Variants in FRYL observed in about 807,000 individuals in gnomAD.
FRYL encodes protein furry homolog-like.
In FRYL, 150 loss-of-function variants were observed where a neutral mutation model predicts 351.2. The observed-to-expected ratio is 0.43, with a 90% confidence interval of 0.37 to 0.49. The LOEUF (loss-of-function observed/expected upper bound fraction) is 0.49. FRYL is among the 20% of genes least tolerant of loss of function. FRYL has a pLI of 0.00. For missense variants in FRYL, 3,036 were observed against 3,619.3 expected (o/e 0.84, Z 4.13); for synonymous variants, 1,153 against 1,257.1 (o/e 0.92, Z 1.75).
At chr4:48,750,815 C>T (rs1773181572) in intron 1 of FRYL, among the ~76,000 whole-genome samples, 1 of 152,128 alleles carries the variant, frequency 6.6e-6, no homozygotes, top group Admixed American at 6.5e-5. Flanking sequence ...TCACTTTTCC[C>T]CCTATGACCC....
chr4:48,520,040 A>G (rs547681135), intron 55 of FRYL, among the ~76,000 whole-genome samples: 2 of 152,382 alleles, frequency 1.3e-5, no homozygotes, highest in African/African-American at 4.8e-5. Flanking sequence ...CTGAAATGAA[A>G]TTTTTTTAAA....
intron 9 of FRYL, among the ~76,000 whole-genome samples, chr4:48,607,450 T>C (rs1253313719): frequency 1.3e-5 from 2 of 152,214 alleles, no homozygotes; most frequent in Non-Finnish European, 2.9e-5. Flanking sequence ...CTATATTCTT[T>C]AGCACTTCAT....
chr4:48,731,052 A>C (rs1396236595), intron 1 of FRYL, among the ~76,000 whole-genome samples: 1 of 152,212 alleles, frequency 6.6e-6, no homozygotes, highest in Non-Finnish European at 1.5e-5. Context: ...AAGCAAAAAA[A>C]AAAGCAGGGG....
At chr4:48,526,920 G>A (rs1167981742) in intron 53 of FRYL, among the ~76,000 whole-genome samples, 2 of 152,142 alleles carry the variant, frequency 1.3e-5, no homozygotes, top group African/African-American at 2.4e-5. Flanking sequence ...GAATGTCAAA[G>A]AAAGAAGCTC....
intron 3 of FRYL, among the ~76,000 whole-genome samples, chr4:48,655,704 A>G (rs565372927): frequency 1.4e-5 from 2 of 146,970 alleles, no homozygotes; most frequent in South Asian, 4.2e-4. Context: ...TATATAATGT[A>G]TATATACATA....
At chr4:48,605,346 C>CAT (rs1011469949) in intron 11 of FRYL, among the ~76,000 whole-genome samples, 1 of 152,128 alleles carries the variant, frequency 6.6e-6, no homozygotes, top group Non-Finnish European at 1.5e-5. Context: ...CATATAAGCC[C>CAT]ATAGGTCACA....
At chr4:48,753,615 C>T (rs751135363) in intron 1 of FRYL, among the ~76,000 whole-genome samples, 1 of 152,084 alleles carries the variant, frequency 6.6e-6, no homozygotes, top group Non-Finnish European at 1.5e-5. Flanking sequence ...CTTTGAAGCA[C>T]AAAAGTTTTT....
chr4:48,619,276 G>C lies in FRYL; in HGVS notation c.409C>G (p.Gln137Glu). 1 of 1,592,436 alleles carries C rather than the reference G, an allele frequency of 6.3e-7. No homozygotes were observed. The highest frequency in any genetic ancestry group is 8.6e-7 in the Non-Finnish European group (1 of 1,161,896). The change falls in exon 7 of 64, where the codon CAG becomes GAG. Residue 137 changes from glutamine to glutamate, a missense_variant and splice_region_variant. By Grantham distance (29) the Gln-to-Glu change is conservative. Coordinates refer to ENST00000358350, the MANE Select transcript of FRYL (RefSeq NM_015030.2). ...FCLVLVEVLK[Q>E]IPVHPVPDPL... ...TTTGCAGAAATAAAAGAGCTTACCT[G>C]CTTTAGAACTTCAACTAAAACTAAA...
intron 1 of FRYL, among the ~76,000 whole-genome samples, chr4:48,744,109 A>G (rs778397892): frequency 6.6e-6 from 1 of 152,196 alleles, no homozygotes; most frequent in Non-Finnish European, 1.5e-5. Context: ...ATGTTAAGAA[A>G]GCCTGTGACC....
chr4:48,564,432 T>C (rs1387146645), intron 30 of FRYL, among the ~76,000 whole-genome samples: 1 of 152,224 alleles, frequency 6.6e-6, no homozygotes, highest in Admixed American at 6.5e-5. Flanking sequence ...TTTATCAAGC[T>C]TTATTCTTGT....
chr4:48,740,289 A>ATTTTT (rs71191255), intron 1 of FRYL, among the ~76,000 whole-genome samples: 21 of 97,894 alleles, frequency 2.1e-4, no homozygotes, highest in African/African-American at 3.4e-4. Flanking sequence ...AAACAATCTG[A>ATTTTT]TTTTTTTTTT....
At chr4:48,650,175 AGG>A (rs1445420296) in intron 3 of FRYL, among the ~76,000 whole-genome samples, 1 of 152,316 alleles carries the variant, frequency 6.6e-6, no homozygotes, top group Non-Finnish European at 1.5e-5. Flanking sequence ...TTCCTACTTC[AGG>A]AATTGTTCCC....
intron 4 of FRYL, among the ~76,000 whole-genome samples, chr4:48,626,741 C>G (rs972917774): frequency 6.6e-6 from 1 of 151,980 alleles, no homozygotes; most frequent in African/African-American, 2.4e-5. Flanking sequence ...CTGAAATAAA[C>G]AAGAAATATA....
At chr4:48,556,043 C>T (rs1290571799) in intron 35 of FRYL, among the ~76,000 whole-genome samples, 5 of 152,132 alleles carry the variant, frequency 3.3e-5, no homozygotes, top group South Asian at 2.1e-4. Flanking sequence ...TACAGGCATG[C>T]GCCACCACAC....
intron 27 of FRYL, 65 bp downstream of exon 27, chr4:48,570,762 A>G: frequency 1.7e-6 from 2 of 1,160,150 alleles, no homozygotes; most frequent in South Asian, 1.3e-5. Flanking sequence ...ACATTTCATG[A>G]GCGAAAAGAG....
intron 1 of FRYL, among the ~76,000 whole-genome samples, chr4:48,774,899 A>T (rs1775856620): frequency 6.6e-6 from 1 of 152,216 alleles, no homozygotes; most frequent in Non-Finnish European, 1.5e-5. Flanking sequence ...CCTGGTAAAG[A>T]CATGTATTTA....
chr4:48,564,194 T>C, intron 30 of FRYL, 92 bp from the exon 31 acceptor site: 1 of 1,279,030 alleles, frequency 7.8e-7, no homozygotes, highest in Non-Finnish European at 1.1e-6. Flanking sequence ...ATAGTGCATA[T>C]ATTCATTGTA....
intron 5 of FRYL, among the ~76,000 whole-genome samples, chr4:48,621,964 A>G (rs950641047): frequency 1.3e-5 from 2 of 152,196 alleles, no homozygotes; most frequent in Non-Finnish European, 2.9e-5. Flanking sequence ...TAAAAAACCT[A>G]TATTTCATTA....
chr4:48,502,756 G>A, intron 61 of FRYL, 72 bp downstream of exon 61: 1 of 1,211,144 alleles, frequency 8.3e-7, no homozygotes, highest in South Asian at 1.3e-5. Flanking sequence ...GGTCACAAAT[G>A]GACAAATGGC....
Sources: gnomAD v4.1 joint callset for allele counts (sites outside exome capture counted in the v4.1 genomes callset) on GRCh38, gnomAD v4.1.1 for gene constraint, MANE v1.5 for transcripts, NCBI Gene and HGNC (gene_info 2026-07-23, HGNC 2026-07-21) for gene names.